ADAM22: variants seen among roughly 807,000 people sequenced by gnomAD.
ADAM22 encodes disintegrin and metalloproteinase domain-containing protein 22.
A neutral mutation model predicts 144.6 loss-of-function variants in ADAM22; 65 were observed. The ratio of observed to expected loss-of-function variants is 0.45; its 90% CI spans 0.37 to 0.55. The LOEUF is 0.55. Ranked by LOEUF, ADAM22 falls within the 20% of genes least tolerant of loss-of-function variation. The pLI is 0.00. For missense variants in ADAM22, 974 were observed against 1,184.9 expected (o/e 0.82, Z 2.61); for synonymous variants, 391 against 412.6 (o/e 0.95, Z 0.63).
chr7:88,033,697 G>A (rs973128679), intron 3 of ADAM22, among the ~76,000 whole-genome samples: 5 of 152,332 alleles, frequency 3.3e-5, no homozygotes, highest in Middle Eastern at 3.4e-3. Flanking sequence ...AGGACCTGGA[G>A]TCAGAAACCT....
In ADAM22 at chr7:88,135,981, T is replaced by C; in HGVS notation, c.1170T>C (p.Gly390=). 6.2e-7 allele frequency: 1 copy of C among 1,609,666 alleles called. No individual in the cohort carries two copies. The highest frequency in any genetic ancestry group is 8.5e-7 in the Non-Finnish European group (1 of 1,177,808). ...GCATGTGTATTAATTTTCTCTTAGG[T>C]GAATGTAAATGCGAGGACACGTGGT... ...IISDKRKLAS[G]ECKCEDTWSG... The change falls in exon 14 of 32, where the codon GGT becomes GGC. Residue 390 remains glycine, a splice_region_variant and synonymous_variant. Transcript: ENST00000413139.
intron 3 of ADAM22, among the ~76,000 whole-genome samples, chr7:88,014,810 A>C (rs1240803302): frequency 6.6e-6 from 1 of 152,224 alleles, no homozygotes; most frequent in African/African-American, 2.4e-5. Context: ...GATATGTGGT[A>C]TTCTAGTGAT....
intron 3 of ADAM22, among the ~76,000 whole-genome samples, chr7:88,011,377 A>G (rs754320093): frequency 6.6e-6 from 1 of 152,050 alleles, no homozygotes; most frequent in Non-Finnish European, 1.5e-5. Context: ...CGTCTCTACT[A>G]AAAATACAAA....
At chr7:88,032,653 AG>A in intron 3 of ADAM22, among the ~76,000 whole-genome samples, 1 of 152,290 alleles carries the variant, frequency 6.6e-6, no homozygotes. Flanking sequence ...TGGGGGAGGC[AG>A]GGGCAGAACG....
chr7:88,151,542 C>A (rs1017363910), intron 20 of ADAM22, among the ~76,000 whole-genome samples: 1 of 152,178 alleles, frequency 6.6e-6, no homozygotes, highest in Non-Finnish European at 1.5e-5. Context: ...GTGGACGAGA[C>A]AGAAAGTGCC....
chr7:87,938,634 A>G (rs1437934577), intron 2 of ADAM22, among the ~76,000 whole-genome samples: 2 of 151,836 alleles, frequency 1.3e-5, no homozygotes, highest in Non-Finnish European at 2.9e-5. Context: ...AAAGGCATTT[A>G]TTTATTTATT....
intron 18 of ADAM22, 58 bp downstream of exon 18, chr7:88,149,115 G>C: frequency 1.7e-6 from 2 of 1,161,500 alleles, no homozygotes; most frequent in Non-Finnish European, 2.6e-6. Flanking sequence ...TATCTTTAGT[G>C]CACTGACCCT....
chr7:87,975,518 A>G (rs1851705297), intron 2 of ADAM22, among the ~76,000 whole-genome samples: 2 of 152,208 alleles, frequency 1.3e-5, no homozygotes, highest in South Asian at 2.1e-4. Flanking sequence ...CAATAATGCA[A>G]ACATTCTTAC....
intron 7 of ADAM22, among the ~76,000 whole-genome samples, chr7:88,118,612 T>C (rs1828408360): frequency 6.6e-6 from 1 of 151,096 alleles, no homozygotes; most frequent in African/African-American, 2.4e-5. Flanking sequence ...AAGACTTGAC[T>C]GTAGGCTTGC....
chr7:88,181,612 G>T lies in ADAM22; in HGVS notation c.2596+7G>T, dbSNP rs1481359174. 2 of 1,609,654 alleles carry T rather than the reference G, an allele frequency of 1.2e-6. No homozygotes were observed. Among genetic ancestry groups the T allele is most frequent in the Non-Finnish European group, 1.7e-6 (2 of 1,176,336 alleles). On this transcript the variant is annotated splice_region_variant and intron_variant, in intron 28 of 31. Transcript: ENST00000413139. Reference sequence around the variant, plus strand: ...CGAAGTAACTCTTGGCAAGGTAGAGGCTGGCATTCTGAATCTGTCTGTCCA... The same window carrying T: ...CGAAGTAACTCTTGGCAAGGTAGAGTCTGGCATTCTGAATCTGTCTGTCCA...
intron 4 of ADAM22, among the ~76,000 whole-genome samples, chr7:88,097,547 T>C (rs992447403): frequency 6.6e-6 from 1 of 151,940 alleles, no homozygotes; most frequent in Non-Finnish European, 1.5e-5. Context: ...GGAGGTTATG[T>C]TTATGGTAAA....
In ADAM22 at chr7:88,161,191, T is replaced by TG. The variant is rs1337986737; in HGVS notation, c.1908-1819dup. On this transcript the variant is annotated intron_variant, in intron 22 of 31. Transcript: ENST00000413139. ...AATTCTCAAATAAATTCAACATATT[T>TG]GGAAAAAAAAAAAAACAAGTAATGG... Among the ~76,000 whole-genome samples, 71 of 128,322 alleles carry TG rather than the reference T, an allele frequency of 5.5e-4. 1 individual carries two copies. The highest frequency in any genetic ancestry group is 2.4e-3 in the African/African-American group (69 of 29,024). The allele number at this position is 128,322 out of a possible 152,430, so 84.2% of individuals were successfully genotyped here.
intron 3 of ADAM22, among the ~76,000 whole-genome samples, chr7:88,030,779 C>A (rs1201839): frequency 0.72 from 109,826 of 152,064 alleles, 41,520 homozygotes; most frequent in East Asian, 0.9. Flanking sequence ...AGGCCTCCCC[C>A]GAAGCAGAAG....
chr7:88,122,817 G>A (rs1033531885), intron 7 of ADAM22, among the ~76,000 whole-genome samples: 1 of 152,162 alleles, frequency 6.6e-6, no homozygotes, highest in Non-Finnish European at 1.5e-5. Context: ...ACCCTTTCTT[G>A]ACTGGGTTTC....
At chr7:88,091,902 A>G (rs1200216567) in intron 4 of ADAM22, among the ~76,000 whole-genome samples, 1 of 152,156 alleles carries the variant, frequency 6.6e-6, no homozygotes, top group Admixed American at 6.6e-5. Context: ...CAATTATTCC[A>G]ATATAAAATT....
At chr7:88,060,855 G>C (rs1203646037) in intron 3 of ADAM22, among the ~76,000 whole-genome samples, 1 of 151,810 alleles carries the variant, frequency 6.6e-6, no homozygotes, top group East Asian at 1.9e-4. Context: ...TGTAATCCCA[G>C]CACTTTGGGA....
chr7:88,117,131 T>C (rs60513608), intron 7 of ADAM22, among the ~76,000 whole-genome samples: 12,663 of 152,298 alleles, frequency 0.083, 1,125 homozygotes, highest in African/African-American at 0.23. Flanking sequence ...ACTGGTCTTG[T>C]AAACATAGGG....
At chr7:88,064,138 A>C (rs1468828558) in intron 3 of ADAM22, among the ~76,000 whole-genome samples, 1 of 152,216 alleles carries the variant, frequency 6.6e-6, no homozygotes, top group Non-Finnish European at 1.5e-5. Flanking sequence ...AGCCAAGAAA[A>C]TATTGGAATT....
At position 88,165,858 on chromosome 7, in the gene ADAM22, G is replaced by A. The variant is rs892799097; in HGVS notation, c.2103G>A (p.Val701=). 1.2e-6 allele frequency: 2 copies of A among 1,610,606 alleles called. No homozygotes were observed. The highest frequency in any genetic ancestry group is 8.5e-7 in the Non-Finnish European group (1 of 1,178,500). ...TTTGCAGTAATGAGCTGAAGTGTGT[G>A]TGTAACAGACACTGGATAGGTTCTG... ...NGVCSNELKC[V]CNRHWIGSDC... is the part of the protein sequence containing the mutation. The change falls in exon 24 of 32, where the codon GTG becomes GTA. Residue 701 remains valine (V), a synonymous_variant. Transcript: ENST00000413139.
Sources: gnomAD v4.1 joint callset for allele counts (sites outside exome capture counted in the v4.1 genomes callset) on GRCh38, gnomAD v4.1.1 for gene constraint, MANE v1.5 for transcripts, NCBI Gene and HGNC (gene_info 2026-07-23, HGNC 2026-07-21) for gene names.